Variants in USP7 observed in about 807,000 individuals in gnomAD.
USP7 encodes the protein ubiquitin C-terminal hydrolase 7.
A neutral mutation model predicts 162.9 loss-of-function variants in USP7; 9 were observed. That is an observed-to-expected ratio of 0.06 (90% CI 0.03 to 0.10). USP7 has a LOEUF of 0.10. Ranked by LOEUF, USP7 falls within the 10% of genes least tolerant of loss-of-function variation. The pLI, the probability that USP7 is intolerant of heterozygous loss-of-function variation, is 1.00. For missense variants in USP7, 715 were observed against 1,373.7 expected (o/e 0.52, Z 7.58); for synonymous variants, 562 against 475.9 (o/e 1.18, Z -2.35).
chr16:8,909,221 C>G (rs1364179641), intron 11 of USP7, among the ~76,000 whole-genome samples: 1 of 152,202 alleles, frequency 6.6e-6, no homozygotes, highest in Non-Finnish European at 1.5e-5. Flanking sequence ...CGACCACGGC[C>G]AGGCGGTCAG....
chr16:8,898,628 C>T lies in USP7; in HGVS notation c.2543G>A (p.Gly848Asp). Residue 848 changes from glycine to aspartate, a missense_variant, in exon 24 of 31, where the codon GGC becomes GAC. Coordinates refer to ENST00000344836, the MANE Select transcript of USP7 (RefSeq NM_003470.3). Reference sequence around the variant, plus strand: ...ATTATGTCTAAGAGGATTACCTGGGCCATCCCTATAACTACACAAGAAAAC... The same window carrying T: ...ATTATGTCTAAGAGGATTACCTGGGTCATCCCTATAACTACACAAGAAAAC... ...QFFKSQGYRD[G>D]PGNPLRHNYE... 2 of 1,595,508 alleles carry T rather than the reference C, an allele frequency of 1.3e-6. No homozygotes were observed. The highest frequency in any genetic ancestry group is 2.2e-5 in the East Asian group (1 of 44,790).
intron 1 of USP7, among the ~76,000 whole-genome samples, chr16:8,933,498 T>C (rs1324247700): frequency 2.0e-5 from 3 of 152,206 alleles, no homozygotes; most frequent in African/African-American, 4.8e-5. Context: ...CTTTACAAAA[T>C]TCAAAAGATG....
intron 17 of USP7, 91 bp downstream of exon 17, chr16:8,902,290 G>C: frequency 6.3e-7 from 1 of 1,574,834 alleles, no homozygotes; most frequent in South Asian, 1.1e-5. Flanking sequence ...TTCTAGTTAA[G>C]TGGACCAAAA....
chr16:8,895,512 A>C (rs2061667689), intron 27 of USP7, 130 bp downstream of exon 27: 2 of 855,838 alleles, frequency 2.3e-6, no homozygotes, highest in African/African-American at 3.4e-5. Flanking sequence ...CCACTCATGG[A>C]ATCATATACC....
chr16:8,959,757 C>A (rs1418726048), intron 1 of USP7, among the ~76,000 whole-genome samples: 1 of 152,196 alleles, frequency 6.6e-6, no homozygotes. Context: ...ACATTCTACT[C>A]CCAAACATGC....
chr16:8,935,669 A>G (rs1393029722), intron 1 of USP7: 1 of 152,238 alleles, frequency 6.6e-6, no homozygotes, highest in Non-Finnish European at 1.5e-5. Flanking sequence ...TATCCCACTC[A>G]GAAATAGAAG....
chr16:8,895,830 C>A, intron 26 of USP7, 89 bp from the exon 27 acceptor site: 1 of 901,280 alleles, frequency 1.1e-6, no homozygotes, highest in Non-Finnish European at 1.6e-6. Context: ...AATAAAGTTA[C>A]CACGATATGT....
rs1256754390 is a variant in USP7, at chr16:8,902,128, G to A, written c.2001C>T (p.Pro667=). The change falls in exon 18 of 31, where the codon CCC becomes CCT. Residue 667 remains proline (P), a synonymous_variant. Transcript: ENST00000344836. ...PWTIFLETVD[P]ELAASGATLP... ...AGGTCGCTCCACTAGCAGCCAGCTC[G>A]GGATCAACTGTTTCCAGGAATATTG... 5 of 1,614,178 alleles carry A rather than the reference G, an allele frequency of 3.1e-6. No homozygotes were observed. The highest frequency in any genetic ancestry group is 1.1e-5 in the South Asian group (1 of 91,078).
intron 25 of USP7, among the ~76,000 whole-genome samples, chr16:8,897,997 A>G (rs2061716367): frequency 6.6e-6 from 1 of 151,990 alleles, no homozygotes; most frequent in African/African-American, 2.4e-5. Flanking sequence ...GAGTAAGCGC[A>G]GAGTCATGGA....
chr16:8,956,964 ACCCCTCTG>A (rs897844062), intron 1 of USP7, among the ~76,000 whole-genome samples: 2 of 151,460 alleles, frequency 1.3e-5, no homozygotes, highest in Non-Finnish European at 2.9e-5. Context: ...TCTCCCAGAC[ACCCCTCTG>A]CCCATCCCAT....
At chr16:8,909,183 C>G (rs922769079) in intron 11 of USP7, among the ~76,000 whole-genome samples, 7 of 152,218 alleles carry the variant, frequency 4.6e-5, no homozygotes, top group African/African-American at 1.7e-4. Context: ...GCTCTTTGTT[C>G]CTCAGTAAAA....
At position 8,931,705 on chromosome 16, in the gene USP7, A is replaced by G. The variant is rs923422402; in HGVS notation, c.80-1308T>C. On this transcript the variant is annotated intron_variant, in intron 1 of 30. Transcript: ENST00000344836. ...TACAACAACATTCCAATCACTTTTC[A>G]TTAATTTTAAAGCATAAATTTCTCA... 7.9e-5 allele frequency among the ~76,000 whole-genome samples: 12 copies of G among 152,256 alleles called. 1 individual carries two copies. Among genetic ancestry groups the G allele is most frequent in the African/African-American group, 2.9e-4 (12 of 41,470 alleles).
At chr16:8,956,627 G>C (rs1207761112) in intron 1 of USP7, among the ~76,000 whole-genome samples, 1 of 152,160 alleles carries the variant, frequency 6.6e-6, no homozygotes, top group African/African-American at 2.4e-5. Context: ...AGCCGGGCAT[G>C]GTAGCGTGTG....
At chr16:8,924,322 T>A (rs992959436) in intron 2 of USP7, among the ~76,000 whole-genome samples, 2 of 152,268 alleles carry the variant, frequency 1.3e-5, no homozygotes, top group African/African-American at 4.8e-5. Flanking sequence ...TAAAGCATCA[T>A]GAAATTGCCA....
At chr16:8,918,913 T>C (rs534590107) in intron 6 of USP7, 118 bp downstream of exon 6, 8 of 956,932 alleles carry the variant, frequency 8.4e-6, no homozygotes, top group Non-Finnish European at 1.2e-5. Flanking sequence ...CTAGCAGCCA[T>C]CTGAGGAGAC....
chr16:8,937,301 T>C (rs946244045), intron 1 of USP7, among the ~76,000 whole-genome samples: 1 of 152,082 alleles, frequency 6.6e-6, no homozygotes, highest in Admixed American at 6.5e-5. Flanking sequence ...TCCCAACACT[T>C]TGGGAGGCTG....
chr16:8,908,512 A>T, intron 11 of USP7, 62 bp from the exon 12 acceptor site: 1 of 1,427,752 alleles, frequency 7.0e-7, no homozygotes, highest in Non-Finnish European at 9.6e-7. Context: ...AAGCAATGAA[A>T]GCAACAGCGG....
intron 15 of USP7, among the ~76,000 whole-genome samples, chr16:8,903,954 A>G (rs956177464): frequency 6.6e-6 from 1 of 152,046 alleles, no homozygotes; most frequent in Non-Finnish European, 1.5e-5. Flanking sequence ...GGACCTAGCT[A>G]GACAGCCAAC....
At chr16:8,945,469 G>T (rs1351137009) in intron 1 of USP7, among the ~76,000 whole-genome samples, 1 of 152,156 alleles carries the variant, frequency 6.6e-6, no homozygotes, top group Admixed American at 6.5e-5. Context: ...ATGGGTTAGT[G>T]GGGGCTTTGG....
Sources: allele counts gnomAD v4.1 joint callset (sites outside exome capture counted in the v4.1 genomes callset), GRCh38; gene constraint gnomAD v4.1.1; transcripts MANE v1.5; gene names NCBI Gene and HGNC (gene_info 2026-07-23, HGNC 2026-07-21).